Variants in FAM53A observed in about 807,000 individuals in gnomAD.
FAM53A encodes protein FAM53A.
Under a neutral mutation model 26.6 loss-of-function variants are expected in FAM53A, and 28 were observed. The observed-to-expected ratio is 1.05, with a 90% CI of 0.78 to 1.45. The LOEUF is 1.45. FAM53A is among the 40% of genes most tolerant of loss of function. The pLI, the probability that FAM53A is intolerant of heterozygous loss-of-function variation, is 0.00. For synonymous variants in FAM53A, 290 were observed against 253.1 expected (o/e 1.15, Z -1.38); for missense variants, 650 against 575.8 (o/e 1.13, Z -1.32).
At chr4:1,580,486 C>A in the FAM53A span, among the ~76,000 whole-genome samples, 1 of 152,058 alleles carries the variant, frequency 6.6e-6, no homozygotes, top group Non-Finnish European at 1.5e-5. Context: ...ATCCCCGGCG[C>A]GGGGTGCACG....
Position 1,640,954 on chromosome 4 carries a change from C to T in FAM53A, c.*339G>A, listed in dbSNP as rs112794403. On this transcript the variant is annotated 3_prime_UTR_variant, in exon 5 of 5. Transcript: ENST00000308132. ...AGTCTGTGCCCCAGGGCAGTGCAGG[C>T]GGCAGCCGTGGCCCCGACCAGCTCA... 1.2e-5 allele frequency: 5 copies of T among 426,766 alleles called. No homozygotes were observed. The highest frequency in any genetic ancestry group is 3.6e-5 in the South Asian group (2 of 55,824). The allele number at this position is 426,766 out of a possible 1,614,324, so 26.4% of individuals were successfully genotyped here.
chr4:1,625,588 G>T (rs1715254584), intron 1 of FAM53A, among the ~76,000 whole-genome samples: 1 of 82,592 alleles, frequency 1.2e-5, no homozygotes, highest in Non-Finnish European at 2.5e-5. Flanking sequence ...CACGCCAGGT[G>T]ATCAGAAGCC....
At chr4:1,588,667 G>C in the FAM53A span, among the ~76,000 whole-genome samples, 1 of 152,210 alleles carries the variant, frequency 6.6e-6, no homozygotes, top group African/African-American at 2.4e-5. Context: ...GGTGACTTCA[G>C]CTCCAGCCAG....
chr4:1,644,527 G>A (rs1461861797), intron 4 of FAM53A: 24 of 769,968 alleles, frequency 3.1e-5, no homozygotes, highest in East Asian at 1.9e-4. Context: ...CCACGGGGCC[G>A]ATGCTGGCCT....
chr4:1,579,477 G>A, the FAM53A span, among the ~76,000 whole-genome samples: 602 of 152,288 alleles, frequency 4.0e-3, 3 homozygotes, highest in African/African-American at 0.014. Flanking sequence ...GCGTCCTGGG[G>A]AGGAGGCTTG....
At chr4:1,591,038 C>A in the FAM53A span, among the ~76,000 whole-genome samples, 2 of 123,764 alleles carry the variant, frequency 1.6e-5, no homozygotes, top group Non-Finnish European at 1.7e-5. Flanking sequence ...TTCTTTTGAA[C>A]TAGTCCCTAA....
At chr4:1,669,435 C>CA (rs1432371642) in intron 1 of FAM53A, among the ~76,000 whole-genome samples, 3 of 152,216 alleles carry the variant, frequency 2.0e-5, no homozygotes, top group Non-Finnish European at 4.4e-5. Flanking sequence ...GGCGAGGGCT[C>CA]AGGGGGTCTT....
the FAM53A span, among the ~76,000 whole-genome samples, chr4:1,586,263 G>A: frequency 1.3e-4 from 20 of 151,550 alleles, no homozygotes; most frequent in Non-Finnish European, 2.4e-4. Flanking sequence ...GCGCGATCTC[G>A]GCTCACCACA....
the FAM53A span, among the ~76,000 whole-genome samples, chr4:1,594,429 C>G: frequency 5.3e-5 from 8 of 152,128 alleles, no homozygotes; most frequent in South Asian, 2.1e-4. Flanking sequence ...CACTGCCCCC[C>G]GGGGTATACA....
the FAM53A span, among the ~76,000 whole-genome samples, chr4:1,589,425 T>A: frequency 6.6e-6 from 1 of 152,208 alleles, no homozygotes; most frequent in Non-Finnish European, 1.5e-5. Context: ...AATTGTCTTT[T>A]CTGATTTTGG....
chr4:1,596,539 C>T, the FAM53A span, among the ~76,000 whole-genome samples: 1 of 152,000 alleles, frequency 6.6e-6, no homozygotes, highest in South Asian at 2.1e-4. Context: ...CCACACCACC[C>T]GAACCGGACA....
At chr4:1,602,273 T>C in the FAM53A span, among the ~76,000 whole-genome samples, 1 of 152,178 alleles carries the variant, frequency 6.6e-6, no homozygotes, top group Non-Finnish European at 1.5e-5. Flanking sequence ...CCTCCCAAAT[T>C]GCCTCCAAAT....
chr4:1,680,319 C>CA (rs143458191), intron 1 of FAM53A, among the ~76,000 whole-genome samples: 1,242 of 82,634 alleles, frequency 0.015, 311 homozygotes, highest in African/African-American at 0.068. Context: ...AACTCCGTCT[C>CA]AAAAAAAAAA....
chr4:1,644,109 G>A, intron 4 of FAM53A: 1 of 1,486,790 alleles, frequency 6.7e-7, no homozygotes, highest in Non-Finnish European at 9.0e-7. Flanking sequence ...CTGCCGTGCT[G>A]CCCACACAGG....
chr4:1,616,134 G>A (rs1199390429), downstream of FAM53A, among the ~76,000 whole-genome samples: 1 of 152,184 alleles, frequency 6.6e-6, no homozygotes, highest in Non-Finnish European at 1.5e-5. Flanking sequence ...GAAGGGGTGG[G>A]CACAGCCAGG....
chr4:1,684,397 C>T (rs1046988591), upstream of FAM53A: 1 of 148,726 alleles, frequency 6.7e-6, no homozygotes, highest in East Asian at 1.9e-4. Context: ...GCCGCGAGCC[C>T]GTCAGCCGCC....
chr4:1,635,718 C>T (rs368290030), downstream of FAM53A, among the ~76,000 whole-genome samples: 40 of 151,722 alleles, frequency 2.6e-4, no homozygotes, highest in African/African-American at 8.9e-4. Flanking sequence ...CCGTTGATTT[C>T]TTCTATAACC....
At chr4:1,666,914 G>A (rs1168212318) in intron 2 of FAM53A, among the ~76,000 whole-genome samples, 1 of 152,198 alleles carries the variant, frequency 6.6e-6, no homozygotes, top group Non-Finnish European at 1.5e-5. Flanking sequence ...CAGATCATGA[G>A]GTCAGGAGCT....
intron 1 of FAM53A, among the ~76,000 whole-genome samples, chr4:1,670,905 C>A (rs111501440): frequency 9.1e-4 from 117 of 128,266 alleles, no homozygotes; most frequent in East Asian, 2.1e-3. Flanking sequence ...CGTCAGAGCC[C>A]CCAGCTCACA....
Sources: gnomAD v4.1 joint callset for allele counts (sites outside exome capture counted in the v4.1 genomes callset) on GRCh38, gnomAD v4.1.1 for gene constraint, MANE v1.5 for transcripts, NCBI Gene and HGNC (gene_info 2026-07-23, HGNC 2026-07-21) for gene names.